PCDH9: variants seen among roughly 807,000 people sequenced by gnomAD.
PCDH9 encodes the protein protocadherin-9.
A neutral mutation model predicts 70.6 loss-of-function variants in PCDH9; 24 were observed. That is an observed-to-expected ratio of 0.34 (90% CI 0.25 to 0.48). PCDH9 has a LOEUF of 0.48. Ranked by LOEUF, PCDH9 falls within the 20% of genes least tolerant of loss-of-function variation. The pLI, the probability that PCDH9 is intolerant of heterozygous loss-of-function variation, is 0.99. For missense variants in PCDH9, 1,281 were observed against 1,503.6 expected, an observed-to-expected ratio of 0.85 and a Z score of 2.45; for synonymous variants, 562 against 558.5, an observed-to-expected ratio of 1.01 and a Z score of -0.09.
At chr13:66,629,855 C>T (rs957037173) in intron 4 of PCDH9, among the ~76,000 whole-genome samples, 3 of 152,072 alleles carry the variant, frequency 2.0e-5, no homozygotes, top group African/African-American at 7.2e-5. Context: ...GGAGGCATAC[C>T]TTAGAAAGAA....
intron 3 of PCDH9, among the ~76,000 whole-genome samples, chr13:66,670,393 T>C (rs1263779157): frequency 1.3e-5 from 2 of 152,144 alleles, no homozygotes; most frequent in Non-Finnish European, 2.9e-5. Context: ...GCATAGAGTA[T>C]TTAGTCAATA....
chr13:66,984,863 A>G (rs1842107947), intron 2 of PCDH9, among the ~76,000 whole-genome samples: 1 of 151,986 alleles, frequency 6.6e-6, no homozygotes, highest in South Asian at 2.1e-4. Flanking sequence ...ATAATTTCCT[A>G]TATGGTTTTC....
At chr13:66,531,564 T>C (rs1209086277) in intron 4 of PCDH9, among the ~76,000 whole-genome samples, 1 of 152,034 alleles carries the variant, frequency 6.6e-6, no homozygotes, top group Non-Finnish European at 1.5e-5. Flanking sequence ...ATTAAGAATC[T>C]AAACTAAAGG....
intron 2 of PCDH9, among the ~76,000 whole-genome samples, chr13:67,005,765 G>C (rs1025798452): frequency 2.6e-5 from 4 of 152,186 alleles, no homozygotes; most frequent in Non-Finnish European, 5.9e-5. Context: ...TTCTCCGTGA[G>C]AGCAAAGTAT....
intron 3 of PCDH9, among the ~76,000 whole-genome samples, chr13:66,830,637 T>C (rs1392657494): frequency 6.6e-6 from 1 of 152,190 alleles, no homozygotes; most frequent in East Asian, 1.9e-4. Flanking sequence ...GCTGTCCATA[T>C]AGTAAAATTC....
At position 67,030,395 on chromosome 13, in the gene PCDH9, T is replaced by C. The variant is rs577717836; in HGVS notation, c.3037-126790A>G. Reference sequence around the variant, plus strand: ...CCTGCTCTTCATCAAAAAAAGTTTATAGTCACCCTACTGTGCTATCAAACA... The same window carrying C: ...CCTGCTCTTCATCAAAAAAAGTTTACAGTCACCCTACTGTGCTATCAAACA... On this transcript the variant is annotated intron_variant, in intron 2 of 4. Transcript: ENST00000377865. 8.8e-4 allele frequency among the ~76,000 whole-genome samples: 134 copies of C among 152,192 alleles called. 1 individual carries two copies. Among genetic ancestry groups the C allele is most frequent in the African/African-American group, 3.1e-3 (127 of 41,516 alleles).
intron 4 of PCDH9, among the ~76,000 whole-genome samples, chr13:66,423,280 C>G (rs547820133): frequency 6.6e-6 from 1 of 151,876 alleles, no homozygotes; most frequent in African/African-American, 2.4e-5. Flanking sequence ...TGAAACTATT[C>G]CAAACAATAG....
chr13:66,877,946 C>T (rs1205361972), intron 3 of PCDH9, among the ~76,000 whole-genome samples: 1 of 152,136 alleles, frequency 6.6e-6, no homozygotes. Context: ...ACTTGCTAAA[C>T]ACAGAACAAA....
rs546421669 is a variant in PCDH9, at chr13:66,895,120, C to G, written c.3138+8384G>C. Among the ~76,000 whole-genome samples the G allele has an allele frequency of 1.5e-3, 232 of 152,064 alleles. 1 individual carries two copies. The highest frequency in any genetic ancestry group is 4.8e-3 in the South Asian group (23 of 4,820). ...ACCACGCCCGGCCAATATTAGGTATCTTATATTAAAAGATTATTTACAGTC... is the reference window on the plus strand; with the variant it reads ...ACCACGCCCGGCCAATATTAGGTATGTTATATTAAAAGATTATTTACAGTC... On this transcript the variant is annotated intron_variant, in intron 3 of 4. Coordinates refer to ENST00000377865, the MANE Select transcript of PCDH9 (RefSeq NM_203487.3).
intron 2 of PCDH9, among the ~76,000 whole-genome samples, chr13:67,078,754 G>A (rs2085927347): frequency 6.6e-6 from 1 of 152,104 alleles, no homozygotes; most frequent in Non-Finnish European, 1.5e-5. Context: ...ATCTTTGTAA[G>A]GAAGAAACAC....
chr13:66,850,492 C>T (rs2081297885), intron 3 of PCDH9, among the ~76,000 whole-genome samples: 1 of 140,894 alleles, frequency 7.1e-6, no homozygotes, highest in Admixed American at 7.3e-5. Context: ...GCCTGGGCAA[C>T]AAGAGTGAAA....
intron 3 of PCDH9, among the ~76,000 whole-genome samples, chr13:66,641,758 T>C (rs972299549): frequency 6.6e-5 from 10 of 152,120 alleles, no homozygotes; most frequent in African/African-American, 1.9e-4. Flanking sequence ...GTTAAGTAGA[T>C]AGAAATATCG....
intron 4 of PCDH9, among the ~76,000 whole-genome samples, chr13:66,331,925 A>G (rs1413420253): frequency 1.3e-5 from 2 of 152,208 alleles, no homozygotes; most frequent in African/African-American, 4.8e-5. Flanking sequence ...TACTGAAGGT[A>G]GGATTCTGTA....
intron 3 of PCDH9, among the ~76,000 whole-genome samples, chr13:66,872,762 G>A (rs1189849559): frequency 1.3e-5 from 2 of 152,090 alleles, no homozygotes; most frequent in South Asian, 2.1e-4. Context: ...TTAAATAGAT[G>A]TGCTCAAATA....
intron 2 of PCDH9, among the ~76,000 whole-genome samples, chr13:67,186,376 G>A (rs1015105536): frequency 6.6e-6 from 1 of 152,138 alleles, no homozygotes; most frequent in Non-Finnish European, 1.5e-5. Flanking sequence ...ACGAGGAAAT[G>A]TCTACAGCAA....
At chr13:66,825,795 A>T (rs1594110454) in intron 3 of PCDH9, among the ~76,000 whole-genome samples, 1 of 152,224 alleles carries the variant, frequency 6.6e-6, no homozygotes, top group East Asian at 1.9e-4. Flanking sequence ...GAATGCAGTG[A>T]TTCAAGAATA....
At chr13:67,201,782 T>C (rs2089219214) in intron 2 of PCDH9, 1 of 152,032 alleles carries the variant, frequency 6.6e-6, no homozygotes, top group Non-Finnish European at 1.5e-5. Flanking sequence ...TCTTTAATAA[T>C]AATGCTTTGT....
chr13:67,161,205 T>A (rs2087949750), intron 2 of PCDH9, among the ~76,000 whole-genome samples: 1 of 152,210 alleles, frequency 6.6e-6, no homozygotes, highest in Admixed American at 6.5e-5. Context: ...ACTTCAGATA[T>A]AAATTTCTGT....
intron 3 of PCDH9, among the ~76,000 whole-genome samples, chr13:66,683,314 T>C (rs1180719554): frequency 6.6e-6 from 1 of 152,218 alleles, no homozygotes; most frequent in African/African-American, 2.4e-5. Flanking sequence ...TTGTCACCAT[T>C]CATTAGTTAT....
Sources: allele counts gnomAD v4.1 joint callset (sites outside exome capture counted in the v4.1 genomes callset), GRCh38; gene constraint gnomAD v4.1.1; transcripts MANE v1.5; gene names NCBI Gene and HGNC (gene_info 2026-07-23, HGNC 2026-07-21).